PDCD10: variants seen among roughly 807,000 people sequenced by gnomAD.
PDCD10 encodes programmed cell death 10.
In PDCD10, 4 loss-of-function variants were observed where a neutral mutation model predicts 29.2. The ratio of observed to expected loss-of-function variants is 0.14; its 90% CI spans 0.07 to 0.31. The LOEUF (loss-of-function observed/expected upper bound fraction) is 0.31, where lower values mean the gene tolerates loss of function less well. Among genes scored for constraint, PDCD10 ranks in the 10% least tolerant of loss-of-function variants. The probability of loss-of-function intolerance (pLI) is 1.00; values close to 1 mark genes in which losing one functional copy is unlikely to be tolerated. For synonymous variants in PDCD10, 70 were observed against 82.2 expected, an observed-to-expected ratio of 0.85 and a Z score of 0.80; for missense variants, 183 against 257.9, an observed-to-expected ratio of 0.71 and a Z score of 1.99.
intron 2 of PDCD10, among the ~76,000 whole-genome samples, chr3:167,727,674 G>C (rs1724350127): frequency 1.3e-5 from 2 of 152,120 alleles, no homozygotes; most frequent in Admixed American, 6.5e-5. Context: ...CAGAGTGTTA[G>C]GTCCTCTCTG....
chr3:167,713,547 G>A (rs1722728475), intron 3 of PDCD10, among the ~76,000 whole-genome samples: 1 of 151,342 alleles, frequency 6.6e-6, no homozygotes, highest in Admixed American at 6.6e-5. Context: ...ATTAGTAGAG[G>A]AAAAGAAATA....
At chr3:167,715,802 T>C (rs1201551377) in intron 3 of PDCD10, among the ~76,000 whole-genome samples, 1 of 151,974 alleles carries the variant, frequency 6.6e-6, no homozygotes, top group Non-Finnish European at 1.5e-5. Flanking sequence ...AACCCTGGTA[T>C]AGTGTTGGCT....
At chr3:167,696,887 A>G (rs1213946647) in intron 5 of PDCD10, 122 bp downstream of exon 5, 13 of 742,722 alleles carry the variant, frequency 1.8e-5, no homozygotes, top group Middle Eastern at 2.6e-4. Flanking sequence ...CATCATCATC[A>G]TAAGTGAAAG....
chr3:167,695,994 C>G (rs937922637), intron 5 of PDCD10, among the ~76,000 whole-genome samples: 4 of 121,946 alleles, frequency 3.3e-5, no homozygotes, highest in African/African-American at 8.0e-5. Context: ...AAAAAAAAAA[C>G]ACACAAAAAA....
At chr3:167,717,236 C>G (rs1420410262) in intron 3 of PDCD10, among the ~76,000 whole-genome samples, 1 of 151,990 alleles carries the variant, frequency 6.6e-6, no homozygotes, top group Non-Finnish European at 1.5e-5. Context: ...AGTAACAGTA[C>G]TAAAATTTCC....
In PDCD10 at chr3:167,716,726, A is replaced by G. The variant is rs900794235; in HGVS notation, c.96+3336T>C. On this transcript the variant is annotated intron_variant, in intron 3 of 8. Coordinates refer to ENST00000392750, the MANE Select transcript of PDCD10 (RefSeq NM_007217.4). The stretch of plus-strand genomic sequence containing the variant: ...AGCTGATTCAGATGCTTCTGAATGG[A>G]AACATATTAATTACTTACACAGAAG... 2.0e-5 allele frequency among the ~76,000 whole-genome samples: 3 copies of G among 152,036 alleles called. No individual in the cohort carries two copies. The East Asian group carries it at 5.8e-4, about 29-fold the overall frequency.
intron 2 of PDCD10, among the ~76,000 whole-genome samples, chr3:167,720,848 T>G (rs2108486268): frequency 6.6e-6 from 1 of 152,226 alleles, no homozygotes; most frequent in South Asian, 2.1e-4. Flanking sequence ...CTACCAAATG[T>G]GATCCACTTG....
chr3:167,698,498 T>C (rs1356268042), intron 4 of PDCD10, among the ~76,000 whole-genome samples: 5 of 152,086 alleles, frequency 3.3e-5, no homozygotes, highest in Non-Finnish European at 7.3e-5. Context: ...ATCATGCCAC[T>C]GCACTCCAGC....
chr3:167,722,051 A>T (rs1020846263), intron 2 of PDCD10, among the ~76,000 whole-genome samples: 4 of 152,142 alleles, frequency 2.6e-5, no homozygotes, highest in Non-Finnish European at 5.9e-5. Context: ...TAAATTGGGA[A>T]AACTTCATAA....
At chr3:167,695,785 A>C in intron 5 of PDCD10, 63 bp from the exon 6 acceptor site, 1 of 1,530,090 alleles carries the variant, frequency 6.5e-7, no homozygotes, top group South Asian at 1.1e-5. Context: ...ATCACATCTA[A>C]GAATTTCCAA....
intron 2 of PDCD10, among the ~76,000 whole-genome samples, chr3:167,722,002 T>C (rs756646601): frequency 2.0e-5 from 3 of 152,146 alleles, no homozygotes; most frequent in Non-Finnish European, 4.4e-5. Flanking sequence ...CCTATTTAGC[T>C]ACTTAAGTCA....
At chr3:167,686,164 T>C (rs1432027643) in intron 8 of PDCD10, among the ~76,000 whole-genome samples, 3 of 152,340 alleles carry the variant, frequency 2.0e-5, no homozygotes, top group East Asian at 3.9e-4. Flanking sequence ...AATTCTCACA[T>C]TTGACTTGAA....
At chr3:167,713,730 A>G (rs981014092) in intron 3 of PDCD10, among the ~76,000 whole-genome samples, 19 of 152,038 alleles carry the variant, frequency 1.2e-4, no homozygotes, top group African/African-American at 4.1e-4. Context: ...TTACAAACTG[A>G]TACCATAGAA....
At chr3:167,706,371 T>C (rs751099589) in intron 3 of PDCD10, among the ~76,000 whole-genome samples, 37 of 152,324 alleles carry the variant, frequency 2.4e-4, no homozygotes, top group Non-Finnish European at 4.3e-4. Flanking sequence ...GAGAAAAATG[T>C]CATTAGGTGA....
intron 6 of PDCD10, among the ~76,000 whole-genome samples, chr3:167,695,121 G>A (rs1236451126): frequency 6.6e-6 from 1 of 152,132 alleles, no homozygotes; most frequent in Non-Finnish European, 1.5e-5. Flanking sequence ...CCAGCCTTCT[G>A]GCCCCATGAG....
At chr3:167,712,736 T>A (rs1285092809) in intron 3 of PDCD10, among the ~76,000 whole-genome samples, 1 of 151,660 alleles carries the variant, frequency 6.6e-6, no homozygotes, top group African/African-American at 2.4e-5. Flanking sequence ...TATAAAGACA[T>A]CTGAACTCAA....
intron 6 of PDCD10, among the ~76,000 whole-genome samples, chr3:167,690,099 G>A (rs913927089): frequency 1.3e-5 from 2 of 152,174 alleles, no homozygotes; most frequent in Admixed American, 6.5e-5. Context: ...TAATGAATGC[G>A]GCTTGGTGCA....
chr3:167,692,591 G>A (rs1012827176), intron 6 of PDCD10, among the ~76,000 whole-genome samples: 3 of 152,188 alleles, frequency 2.0e-5, no homozygotes, highest in South Asian at 4.1e-4. Context: ...AAGTAGAAAA[G>A]GAAGCTGGGG....
intron 3 of PDCD10, among the ~76,000 whole-genome samples, chr3:167,714,394 G>A (rs903078123): frequency 6.6e-6 from 1 of 151,840 alleles, no homozygotes; most frequent in East Asian, 1.9e-4. Context: ...AAACGACAAG[G>A]ATGCCCACTG....
Sources: gnomAD v4.1 joint callset for allele counts (sites outside exome capture counted in the v4.1 genomes callset) on GRCh38, gnomAD v4.1.1 for gene constraint, MANE v1.5 for transcripts, NCBI Gene and HGNC (gene_info 2026-07-23, HGNC 2026-07-21) for gene names.